PLEKHA7: variants seen among roughly 807,000 people sequenced by gnomAD.
PLEKHA7 encodes pleckstrin homology domain-containing family A member 7.
Under a neutral mutation model 170.0 loss-of-function variants are expected in PLEKHA7, and 104 were observed. That is an observed-to-expected ratio of 0.61 (90% CI 0.52 to 0.72). The LOEUF (loss-of-function observed/expected upper bound fraction) is 0.72. Among genes scored for constraint, PLEKHA7 ranks in the 30% least tolerant of loss-of-function variants. PLEKHA7 has a pLI of 0.00. For missense variants in PLEKHA7, 1,615 were observed against 1,671.7 expected (o/e 0.97, Z 0.59); for synonymous variants, 648 against 660.8 (o/e 0.98, Z 0.30).
chr11:16,791,629 G>C lies in PLEKHA7; in HGVS notation c.2746-430C>G. 2.2e-6 allele frequency: 1 copy of C among 461,830 alleles called. No homozygotes were observed. The highest frequency in any genetic ancestry group is 1.5e-5 in the South Asian group (1 of 64,618). The allele number at this position is 461,830 out of a possible 1,614,324, so 28.6% of individuals were successfully genotyped here. On this transcript the variant is annotated intron_variant, in intron 19 of 26. Coordinates refer to ENST00000531066, the MANE Select transcript of PLEKHA7 (RefSeq NM_001329630.2). The surrounding 1 kb of genome is among the most constrained non-coding windows in gnomAD (Gnocchi z 4.5). ...ACCCACTCAGCAGTGCTCAGCCTGA[G>C]CCGGCTCATTGGCCCTACACGAGCT...
At chr11:16,941,510 A>C (rs2136412593) in intron 3 of PLEKHA7, among the ~76,000 whole-genome samples, 1 of 152,340 alleles carries the variant, frequency 6.6e-6, no homozygotes, top group Non-Finnish European at 1.5e-5. Flanking sequence ...AGAATCACTG[A>C]CTCATAGAAT....
intron 10 of PLEKHA7, among the ~76,000 whole-genome samples, chr11:16,821,721 GA>G (rs201146982): frequency 2.7e-4 from 41 of 149,676 alleles, no homozygotes; most frequent in African/African-American, 9.3e-4. Flanking sequence ...ATATCTTTAA[GA>G]AAAAAAAAAT....
intron 9 of PLEKHA7, among the ~76,000 whole-genome samples, chr11:16,834,340 A>C (rs1235236519): frequency 6.6e-6 from 1 of 152,190 alleles, no homozygotes; most frequent in African/African-American, 2.4e-5. Flanking sequence ...AAAAGACTAA[A>C]TGGATGAATG....
At chr11:16,849,454 A>C (rs1156298876) in intron 8 of PLEKHA7, among the ~76,000 whole-genome samples, 1 of 152,230 alleles carries the variant, frequency 6.6e-6, no homozygotes, top group Non-Finnish European at 1.5e-5. Context: ...GATGAATCTG[A>C]AAGGCACTGA....
chr11:16,906,527 T>C (rs1377452230), intron 3 of PLEKHA7, among the ~76,000 whole-genome samples: 1 of 139,168 alleles, frequency 7.2e-6, no homozygotes, highest in African/African-American at 3.2e-5. Context: ...TTCGCTGTGT[T>C]GGCCAGGCTG....
At chr11:16,938,228 C>T (rs919127611) in intron 3 of PLEKHA7, among the ~76,000 whole-genome samples, 1 of 152,102 alleles carries the variant, frequency 6.6e-6, no homozygotes. Flanking sequence ...AAAGAATGAA[C>T]AGGGTGCCCT....
chr11:16,884,036 G>A (rs1044754393), intron 3 of PLEKHA7, among the ~76,000 whole-genome samples: 2 of 79,726 alleles, frequency 2.5e-5, no homozygotes, highest in Non-Finnish European at 6.8e-5. Context: ...GAATAAAATT[G>A]TACATATCAT....
At chr11:16,934,410 G>GA (rs368013556) in intron 3 of PLEKHA7, among the ~76,000 whole-genome samples, 11 of 150,426 alleles carry the variant, frequency 7.3e-5, no homozygotes, top group South Asian at 2.1e-4. Context: ...GTTTGGAGGG[G>GA]AAAAAAAAAG....
chr11:16,928,846 A>AT (rs539747914), intron 3 of PLEKHA7, among the ~76,000 whole-genome samples: 13 of 151,578 alleles, frequency 8.6e-5, no homozygotes, highest in South Asian at 2.1e-4. Context: ...ACTTTATGAG[A>AT]TTTTTTTTTA....
chr11:16,910,370 A>C (rs976981343), intron 3 of PLEKHA7, among the ~76,000 whole-genome samples: 2 of 152,228 alleles, frequency 1.3e-5, no homozygotes, highest in African/African-American at 4.8e-5. Context: ...TTCCAAGCTT[A>C]TTTATGCCTT....
intron 16 of PLEKHA7, 71 bp from the exon 17 acceptor site, chr11:16,801,146 T>A: frequency 7.5e-7 from 1 of 1,327,356 alleles, no homozygotes; most frequent in South Asian, 1.2e-5. Flanking sequence ...CGAACACCTG[T>A]ACTCCTGACC....
At chr11:16,792,787 G>A (rs1487930484) in intron 19 of PLEKHA7, among the ~76,000 whole-genome samples, 1 of 152,054 alleles carries the variant, frequency 6.6e-6, no homozygotes, top group African/African-American at 2.4e-5. Context: ...GTTTTATTTT[G>A]TTTTGAGACA....
chr11:16,907,017 C>T (rs1857796097), intron 3 of PLEKHA7, among the ~76,000 whole-genome samples: 1 of 149,024 alleles, frequency 6.7e-6, no homozygotes, highest in Non-Finnish European at 1.5e-5. Flanking sequence ...GGCAACCGCC[C>T]CGTCTGAGAA....
intron 3 of PLEKHA7, among the ~76,000 whole-genome samples, chr11:17,001,791 C>T (rs980713626): frequency 1.6e-4 from 24 of 150,494 alleles, no homozygotes; most frequent in Middle Eastern, 3.5e-3. Flanking sequence ...GAAGAGACTG[C>T]ACACTAACTC....
chr11:16,891,524 T>C (rs535400972), intron 3 of PLEKHA7, among the ~76,000 whole-genome samples: 2 of 152,322 alleles, frequency 1.3e-5, no homozygotes, highest in East Asian at 1.9e-4. Flanking sequence ...GGTAATTTGT[T>C]ATAGCAGCCA....
chr11:16,860,288 G>C (rs1853835329), intron 4 of PLEKHA7, among the ~76,000 whole-genome samples: 1 of 152,196 alleles, frequency 6.6e-6, no homozygotes, highest in Non-Finnish European at 1.5e-5. Context: ...ATAACTGACA[G>C]ATGTAGTAAG....
In PLEKHA7 at chr11:16,865,593, G is replaced by GGGCACCTGCTACTCGGAA. The variant is rs11268016; in HGVS notation, c.305+5505_305+5506insTTCCGAGTAGCAGGTGCC. On this transcript the variant is annotated intron_variant, in intron 4 of 26. Coordinates refer to ENST00000531066, the MANE Select transcript of PLEKHA7 (RefSeq NM_001329630.2). ...ACAAAAATTAGCTGGGTGTGATGGT[G>GGGCACCTGCTACTCGGAA]GGCTGAGGCAGGAGAATCACTTGAA... Among the ~76,000 whole-genome samples, 15 of 151,466 alleles carry GGGCACCTGCTACTCGGAA rather than the reference G, an allele frequency of 9.9e-5. No homozygotes were observed. In the East Asian group the frequency reaches 2.2e-3, roughly 22 times the overall value.
chr11:16,898,339 G>C (rs1432257153), intron 3 of PLEKHA7, among the ~76,000 whole-genome samples: 1 of 152,074 alleles, frequency 6.6e-6, no homozygotes, highest in African/African-American at 2.4e-5. Flanking sequence ...CAAAAGGTCT[G>C]GTATATTTTC....
chr11:16,873,105 G>A (rs1197176491), intron 3 of PLEKHA7, among the ~76,000 whole-genome samples: 1 of 152,108 alleles, frequency 6.6e-6, no homozygotes, highest in Non-Finnish European at 1.5e-5. Flanking sequence ...AAGGTTCCTA[G>A]TACAGAGAGT....
Sources: allele counts gnomAD v4.1 joint callset (sites outside exome capture counted in the v4.1 genomes callset), GRCh38; gene constraint gnomAD v4.1.1; non-coding constraint Gnocchi (gnomAD v3.1); transcripts MANE v1.5; gene names NCBI Gene and HGNC (gene_info 2026-07-23, HGNC 2026-07-21).